Variants in RNF17 observed in about 807,000 individuals in gnomAD.
RNF17 encodes the protein ring finger protein 17, also known as spermatogenesis associated 23.
Under a neutral mutation model 200.5 loss-of-function variants are expected in RNF17, and 31 were observed. The observed-to-expected ratio is 0.15, with a 90% CI of 0.12 to 0.21. The LOEUF (loss-of-function observed/expected upper bound fraction) is 0.21. RNF17 is among the 10% of genes least tolerant of loss of function. The pLI is 1.00. For synonymous variants in RNF17, 606 were observed against 637.8 expected (o/e 0.95, Z 0.75); for missense variants, 1,628 against 1,905.1 (o/e 0.85, Z 2.71).
chr13:24,790,735 T>C (rs923443780), intron 9 of RNF17, among the ~76,000 whole-genome samples: 16 of 152,186 alleles, frequency 1.1e-4, no homozygotes, highest in African/African-American at 3.9e-4. Context: ...TGCTTTAAGA[T>C]AGCACTTTGA....
chr13:24,773,678 T>TA (rs1252127251), intron 2 of RNF17, among the ~76,000 whole-genome samples: 1 of 152,216 alleles, frequency 6.6e-6, no homozygotes, highest in Non-Finnish European at 1.5e-5. Context: ...CCTGTACACG[T>TA]ACCCCTTGAA....
In RNF17 at chr13:24,812,323, T is replaced by G. The variant is rs905607995; in HGVS notation, c.2091+7894T>G. 2.0e-5 allele frequency among the ~76,000 whole-genome samples: 3 copies of G among 151,472 alleles called. 1 individual carries two copies. The East Asian group carries it at 6.1e-4, about 31-fold the overall frequency. ...CGTGGGCGTAGGACACTCTGAGCCA[T>G]GTGCGGGATATAATCTCCTGGCGCG... On this transcript the variant is annotated intron_variant, in intron 15 of 35. Transcript: ENST00000255324.
intron 22 of RNF17, among the ~76,000 whole-genome samples, chr13:24,848,129 T>A (rs1891454328): frequency 6.6e-6 from 1 of 152,154 alleles, no homozygotes; most frequent in South Asian, 2.1e-4. Flanking sequence ...TAAATACTAT[T>A]TATAGGTAAG....
downstream of RNF17, chr13:24,884,066 C>T (rs199611185): frequency 6.2e-7 from 1 of 1,612,310 alleles, no homozygotes; most frequent in East Asian, 2.2e-5. Context: ...TCTTTTCTTC[C>T]ATCTGGGTAA....
Position 24,840,441 on chromosome 13 carries a change from A to G in RNF17, c.2483-1600A>G, listed in dbSNP as rs192686272. On this transcript the variant is annotated intron_variant, in intron 18 of 35. Transcript: ENST00000255324. The stretch of plus-strand genomic sequence containing the variant: ...CTTGCACACGCATGTTTATAGCAGC[A>G]CAATTCACAATTGCAAAATCGTGGA... 4.9e-3 allele frequency among the ~76,000 whole-genome samples: 750 copies of G among 152,366 alleles called. 4 individuals carry two copies. Among genetic ancestry groups the G allele is most frequent in the Middle Eastern group, 0.02 (6 of 294 alleles).
At chr13:24,840,521 A>ATG (rs1491478949) in intron 18 of RNF17, among the ~76,000 whole-genome samples, 5 of 94,004 alleles carry the variant, frequency 5.3e-5, no homozygotes, top group Admixed American at 2.0e-4. Context: ...TGATTTATAC[A>ATG]TATATATATG....
At chr13:24,882,975 A>AAGAC (rs1336544825), downstream of RNF17, 11 of 585,252 alleles carry the variant, frequency 1.9e-5, no homozygotes, top group South Asian at 6.1e-5. Flanking sequence ...AGTCTATTGA[A>AAGAC]AGACAGGGTA....
downstream of RNF17, chr13:24,883,430 A>T: frequency 7.4e-7 from 1 of 1,350,674 alleles, no homozygotes; most frequent in Admixed American, 2.0e-5. Context: ...TAAACAACAG[A>T]AAAACTACTG....
At position 24,879,815 on chromosome 13, in the gene RNF17, G is replaced by A. The variant is rs1953746069; in HGVS notation, c.*89G>A. 1 of 152,112 alleles carries A rather than the reference G, an allele frequency of 6.6e-6. No homozygotes were observed. The highest frequency in any genetic ancestry group is 2.1e-4 in the South Asian group (1 of 4,828). 9.4% of individuals were successfully genotyped at this position (152,112 alleles called of 1,614,324 possible). On this transcript the variant is annotated 3_prime_UTR_variant, in exon 36 of 36. Coordinates refer to ENST00000255324, the MANE Select transcript of RNF17 (RefSeq NM_031277.3). ...TATGTCTTATCTTTAGACTATTTCAGGCTTAATTTTCCTAACTTGTTCAGC... is the reference window on the plus strand; with the variant it reads ...TATGTCTTATCTTTAGACTATTTCAAGCTTAATTTTCCTAACTTGTTCAGC...
chr13:24,800,248 CT>C, intron 12 of RNF17, 117 bp from the exon 13 acceptor site: 1 of 657,320 alleles, frequency 1.5e-6, no homozygotes, highest in South Asian at 2.6e-5. Flanking sequence ...TGGACTATAA[CT>C]TTCTAAAAGG....
intron 5 of RNF17, among the ~76,000 whole-genome samples, chr13:24,781,506 C>T (rs1435752796): frequency 6.6e-6 from 1 of 151,990 alleles, no homozygotes; most frequent in East Asian, 1.9e-4. Context: ...CATGGGGCTA[C>T]GTGCCTGTGG....
At chr13:24,873,173 G>A (rs900822507) in intron 32 of RNF17, among the ~76,000 whole-genome samples, 4 of 143,242 alleles carry the variant, frequency 2.8e-5, no homozygotes, top group Admixed American at 1.4e-4. Context: ...GATGGCCCAC[G>A]CTAGAAGAGA....
At chr13:24,886,212 G>T in the RNF17 span, 1 of 807,486 alleles carries the variant, frequency 1.2e-6, no homozygotes, top group Non-Finnish European at 1.8e-6. Context: ...ATGTGCCAAT[G>T]GATCATATTG....
At chr13:24,886,294 C>G in the RNF17 span, 1 of 1,288,766 alleles carries the variant, frequency 7.8e-7, no homozygotes, top group South Asian at 1.2e-5. Flanking sequence ...TGTAACAGAG[C>G]TGGATGTTAC....
intron 9 of RNF17, among the ~76,000 whole-genome samples, chr13:24,790,628 A>T (rs1020149859): frequency 2.0e-5 from 3 of 152,196 alleles, no homozygotes; most frequent in African/African-American, 7.2e-5. Context: ...TCTGTAACTC[A>T]TAAAGAACAG....
At chr13:24,785,025 G>T (rs1433252075) in intron 6 of RNF17, among the ~76,000 whole-genome samples, 1 of 152,010 alleles carries the variant, frequency 6.6e-6, no homozygotes, top group East Asian at 1.9e-4. Context: ...TTTTCTTAGT[G>T]TGACTATAGG....
intron 15 of RNF17, among the ~76,000 whole-genome samples, chr13:24,813,842 T>G (rs1295592742): frequency 8.6e-6 from 1 of 115,964 alleles, no homozygotes. Context: ...TTTTTTTTTT[T>G]TTAGAGACAG....
chr13:24,870,373 C>CA (rs1894125581), intron 31 of RNF17, among the ~76,000 whole-genome samples, 198 bp from the exon 32 acceptor site: 2 of 152,254 alleles, frequency 1.3e-5, no homozygotes, highest in South Asian at 4.1e-4. Context: ...CATGAGCCTC[C>CA]ATGCCCAGCC....
chr13:24,804,671 A>G (rs1239394662), intron 15 of RNF17, among the ~76,000 whole-genome samples: 2 of 152,200 alleles, frequency 1.3e-5, no homozygotes, highest in Non-Finnish European at 2.9e-5. Context: ...TGAAATCTGG[A>G]GACTAGGAAA....
Sources: gnomAD v4.1 joint callset for allele counts (sites outside exome capture counted in the v4.1 genomes callset) on GRCh38, gnomAD v4.1.1 for gene constraint, MANE v1.5 for transcripts, NCBI Gene and HGNC (gene_info 2026-07-23, HGNC 2026-07-21) for gene names.